MCTP1: variants seen among roughly 807,000 people sequenced by gnomAD.
MCTP1 encodes the protein multiple C2 and transmembrane domain-containing protein 1.
Under a neutral mutation model 120.6 loss-of-function variants are expected in MCTP1, and 69 were observed. The observed-to-expected ratio is 0.57, with a 90% CI of 0.47 to 0.70. The LOEUF (loss-of-function observed/expected upper bound fraction) is 0.70, where lower values mean the gene tolerates loss of function less well. MCTP1 is among the 30% of genes least tolerant of loss of function. The pLI is 0.00. For missense variants in MCTP1, 1,203 were observed against 1,248.8 expected (o/e 0.96, Z 0.55); for synonymous variants, 529 against 493.1 (o/e 1.07, Z -0.96).
chr5:94,968,849 T>A (rs926704648), intron 2 of MCTP1, among the ~76,000 whole-genome samples: 5 of 152,212 alleles, frequency 3.3e-5, no homozygotes, highest in African/African-American at 1.2e-4. Flanking sequence ...TTGACATACT[T>A]TTTATGACGA....
intron 16 of MCTP1, among the ~76,000 whole-genome samples, chr5:94,870,163 C>T (rs1797560654): frequency 6.6e-6 from 1 of 152,076 alleles, no homozygotes; most frequent in African/African-American, 2.4e-5. Flanking sequence ...TATGCATCAC[C>T]TACAGTATCC....
chr5:94,850,173 A>G (rs1488412103), intron 17 of MCTP1, among the ~76,000 whole-genome samples: 1 of 152,200 alleles, frequency 6.6e-6, no homozygotes, highest in East Asian at 1.9e-4. Context: ...CATTTCAGAA[A>G]GAGGCCTCAT....
intron 1 of MCTP1, among the ~76,000 whole-genome samples, chr5:95,233,103 T>A (rs1171994044): frequency 6.6e-6 from 1 of 152,190 alleles, no homozygotes; most frequent in Non-Finnish European, 1.5e-5. Flanking sequence ...CAACACAACC[T>A]GACCTGACAT....
At chr5:94,716,418 A>G (rs1759374600) in intron 19 of MCTP1, among the ~76,000 whole-genome samples, 1 of 151,748 alleles carries the variant, frequency 6.6e-6, no homozygotes, top group African/African-American at 2.4e-5. Flanking sequence ...AGTTAGTTTC[A>G]CCTATACAAT....
At chr5:94,812,500 A>AC (rs386404468) in intron 17 of MCTP1, among the ~76,000 whole-genome samples, 17 of 151,798 alleles carry the variant, frequency 1.1e-4, no homozygotes, top group South Asian at 2.1e-4. Context: ...ACAAAACAAA[A>AC]AAAAAACCCT....
At chr5:95,247,589 T>C (rs1756945018) in intron 1 of MCTP1, among the ~76,000 whole-genome samples, 1 of 152,262 alleles carries the variant, frequency 6.6e-6, no homozygotes, top group African/African-American at 2.4e-5. Flanking sequence ...TGGTACATTG[T>C]GTCTTTGTTC....
At chr5:95,008,197 A>G (rs2153651352) in intron 2 of MCTP1, among the ~76,000 whole-genome samples, 1 of 152,276 alleles carries the variant, frequency 6.6e-6, no homozygotes, top group Middle Eastern at 3.4e-3. Context: ...CATCAGCACA[A>G]TGACAATTAC....
chr5:94,945,199 G>T (rs1818635318), intron 3 of MCTP1, among the ~76,000 whole-genome samples: 1 of 152,092 alleles, frequency 6.6e-6, no homozygotes, highest in African/African-American at 2.4e-5. Flanking sequence ...TTGCTTTCAT[G>T]GGTCCTTCCC....
intron 21 of MCTP1, chr5:94,710,559 C>A: frequency 2.9e-6 from 1 of 346,268 alleles, no homozygotes; most frequent in Non-Finnish European, 5.2e-6. Flanking sequence ...CAAAGCTACA[C>A]TTTGATATAT....
At chr5:94,920,785 A>ATAAATAAATAAT (rs1421944592) in intron 7 of MCTP1, among the ~76,000 whole-genome samples, 1 of 147,304 alleles carries the variant, frequency 6.8e-6, no homozygotes, top group African/African-American at 2.5e-5. Flanking sequence ...AAATAAATAA[A>ATAAATAAATAAT]TAATAAAAAG....
intron 19 of MCTP1, among the ~76,000 whole-genome samples, chr5:94,760,847 G>T (rs1771168450): frequency 6.6e-6 from 1 of 151,892 alleles, no homozygotes; most frequent in Non-Finnish European, 1.5e-5. Flanking sequence ...ACCATGCCAG[G>T]CTAATTTTTA....
chr5:95,270,279 C>A (rs562540171), intron 1 of MCTP1, among the ~76,000 whole-genome samples: 1 of 152,152 alleles, frequency 6.6e-6, no homozygotes, highest in Admixed American at 6.5e-5. Context: ...GTGACATAGA[C>A]CTGGGTCCAT....
intron 18 of MCTP1, among the ~76,000 whole-genome samples, chr5:94,790,987 AGCGGGCCAGGC>A (rs1214408109): frequency 1.3e-5 from 2 of 151,996 alleles, no homozygotes; most frequent in East Asian, 1.9e-4. Flanking sequence ...AAATATTTCA[AGCGGGCCAGGC>A]GCGGTGCCTC....
intron 1 of MCTP1, among the ~76,000 whole-genome samples, chr5:95,140,632 G>A (rs1463104218): frequency 6.7e-6 from 1 of 149,554 alleles, no homozygotes; most frequent in Non-Finnish European, 1.5e-5. Context: ...GCCGAGGCGG[G>A]TGGATCACGA....
chr5:95,099,539 C>T (rs1031377330), intron 1 of MCTP1, among the ~76,000 whole-genome samples: 5 of 151,196 alleles, frequency 3.3e-5, no homozygotes, highest in Admixed American at 3.3e-4. Context: ...CCATCACTGG[C>T]CATCAGAGAA....
chr5:94,735,466 A>G (rs535906364), intron 19 of MCTP1, among the ~76,000 whole-genome samples: 147 of 152,164 alleles, frequency 9.7e-4, no homozygotes, highest in African/African-American at 3.5e-3. Flanking sequence ...AAATAGAGAC[A>G]GGGTCTTTCC....
At chr5:95,054,604 C>T (rs1443668948) in intron 1 of MCTP1, among the ~76,000 whole-genome samples, 4 of 152,118 alleles carry the variant, frequency 2.6e-5, no homozygotes, top group South Asian at 2.1e-4. Flanking sequence ...CCATGCTTTA[C>T]AGGAGCAGAG....
intron 2 of MCTP1, among the ~76,000 whole-genome samples, chr5:95,017,085 T>C (rs917082861): frequency 1.3e-5 from 2 of 152,098 alleles, no homozygotes; most frequent in Non-Finnish European, 2.9e-5. Flanking sequence ...ATGTAACCAA[T>C]TATGTCAGTA....
intron 17 of MCTP1, among the ~76,000 whole-genome samples, chr5:94,834,950 G>A (rs1789396594): frequency 6.6e-6 from 1 of 151,532 alleles, no homozygotes; most frequent in South Asian, 2.1e-4. Flanking sequence ...AGCCTCCCGA[G>A]TAGCTAGGAT....
Sources: gnomAD v4.1 joint callset for allele counts (sites outside exome capture counted in the v4.1 genomes callset) on GRCh38, gnomAD v4.1.1 for gene constraint, MANE v1.5 for transcripts, NCBI Gene and HGNC (gene_info 2026-07-23, HGNC 2026-07-21) for gene names.